KIAA1328: variants seen among roughly 807,000 people sequenced by gnomAD.
KIAA1328 encodes protein hinderin.
In KIAA1328, 52 loss-of-function variants were observed where a neutral mutation model predicts 68.1. The observed-to-expected ratio is 0.76, with a 90% CI of 0.61 to 0.96. KIAA1328 has a LOEUF of 0.96. Among genes scored for constraint, KIAA1328 ranks in the 40% least tolerant of loss-of-function variants. KIAA1328 has a pLI of 0.00. For synonymous variants in KIAA1328, 232 were observed against 239.4 expected, an observed-to-expected ratio of 0.97 and a Z score of 0.28; for missense variants, 641 against 677.6, an observed-to-expected ratio of 0.95 and a Z score of 0.60.
chr18:37,219,399 C>A (rs908970872), intron 9 of KIAA1328, among the ~76,000 whole-genome samples: 2 of 152,240 alleles, frequency 1.3e-5, no homozygotes, highest in Non-Finnish European at 2.9e-5. Flanking sequence ...GAAGTTCCTG[C>A]TGCCTTCTGT....
intron 5 of KIAA1328, among the ~76,000 whole-genome samples, chr18:36,918,131 C>T (rs1277677801): frequency 6.6e-6 from 1 of 152,062 alleles, no homozygotes; most frequent in Non-Finnish European, 1.5e-5. Context: ...TGTAGTAACA[C>T]ATCCTCTTTT....
At chr18:37,206,356 C>T (rs2060215247) in intron 9 of KIAA1328, among the ~76,000 whole-genome samples, 1 of 152,106 alleles carries the variant, frequency 6.6e-6, no homozygotes, top group Non-Finnish European at 1.5e-5. Flanking sequence ...ATGGTAGTAG[C>T]CCTATGGTAG....
intron 6 of KIAA1328, among the ~76,000 whole-genome samples, chr18:37,024,618 A>G (rs1177801298): frequency 6.6e-6 from 1 of 150,822 alleles, no homozygotes; most frequent in Admixed American, 6.6e-5. Flanking sequence ...ATGAGTGAGA[A>G]CATGCGGTGT....
chr18:36,916,681 C>T (rs753062962), intron 5 of KIAA1328, among the ~76,000 whole-genome samples: 8 of 152,154 alleles, frequency 5.3e-5, no homozygotes, highest in African/African-American at 9.7e-5. Flanking sequence ...TCATCTCCAT[C>T]GTACAGATAA....
chr18:37,071,057 CTTTTTTTTTTTTTTTTT>C (rs58722044), intron 7 of KIAA1328, among the ~76,000 whole-genome samples: 10 of 86,848 alleles, frequency 1.2e-4, no homozygotes, highest in African/African-American at 4.1e-4. Context: ...TTTTTTCTTC[CTTTTTTTTTTTTTTTTT>C]TTTTTTTTTT....
chr18:37,141,272 A>G (rs970448582), intron 7 of KIAA1328, among the ~76,000 whole-genome samples: 4 of 152,164 alleles, frequency 2.6e-5, no homozygotes, highest in Non-Finnish European at 5.9e-5. Context: ...TCCCTAGCCC[A>G]TGCAACCAAT....
intron 7 of KIAA1328, among the ~76,000 whole-genome samples, chr18:37,123,572 G>A (rs1272535289): frequency 6.6e-6 from 1 of 152,132 alleles, no homozygotes; most frequent in Non-Finnish European, 1.5e-5. Flanking sequence ...TCAAAGAACA[G>A]TAAGAATACA....
chr18:37,194,365 A>G (rs949028225), intron 9 of KIAA1328, among the ~76,000 whole-genome samples: 9 of 152,200 alleles, frequency 5.9e-5, no homozygotes, highest in Admixed American at 2.0e-4. Flanking sequence ...TCAGTCATTT[A>G]TATTTTCTGC....
At chr18:36,919,760 C>T (rs2049846829) in intron 5 of KIAA1328, among the ~76,000 whole-genome samples, 2 of 152,066 alleles carry the variant, frequency 1.3e-5, no homozygotes, top group Non-Finnish European at 2.9e-5. Context: ...TATTGATAGC[C>T]ATTCTGACTA....
chr18:36,954,064 G>T (rs1438521947), intron 5 of KIAA1328, among the ~76,000 whole-genome samples: 13 of 137,986 alleles, frequency 9.4e-5, no homozygotes, highest in African/African-American at 2.8e-4. Flanking sequence ...CTGCAGTGGC[G>T]CAATCTCGGC....
At chr18:37,166,776 G>T (rs2059397618) in intron 8 of KIAA1328, among the ~76,000 whole-genome samples, 1 of 152,008 alleles carries the variant, frequency 6.6e-6, no homozygotes, top group African/African-American at 2.4e-5. Context: ...TGAAAACACT[G>T]AAAATCAGAT....
intron 6 of KIAA1328, among the ~76,000 whole-genome samples, chr18:37,035,203 A>C (rs2054978553): frequency 6.6e-6 from 1 of 152,232 alleles, no homozygotes; most frequent in Non-Finnish European, 1.5e-5. Flanking sequence ...CTTACCTCCC[A>C]TAGCCAGGTG....
At chr18:36,878,562 C>T (rs1317014781) in intron 4 of KIAA1328, among the ~76,000 whole-genome samples, 2 of 152,152 alleles carry the variant, frequency 1.3e-5, no homozygotes, top group African/African-American at 4.8e-5. Context: ...GTTGGCCTGT[C>T]TTGCTAGGTT....
chr18:36,893,465 T>G (rs60197646), intron 5 of KIAA1328, among the ~76,000 whole-genome samples: 21,924 of 120,280 alleles, frequency 0.18, 2,216 homozygotes, highest in East Asian at 0.38. Flanking sequence ...GTGTGTGTTT[T>G]TGTGTGTGTG....
chr18:37,042,200 A>G (rs1240385299), intron 6 of KIAA1328, among the ~76,000 whole-genome samples: 1 of 152,146 alleles, frequency 6.6e-6, no homozygotes, highest in African/African-American at 2.4e-5. Flanking sequence ...ACCTAGCCAT[A>G]TATTTATGTT....
chr18:37,065,362 C>T lies in KIAA1328; in HGVS notation c.577-1528C>T, dbSNP rs906027408. On this transcript the variant is annotated intron_variant, in intron 6 of 9. Coordinates refer to ENST00000280020, the MANE Select transcript of KIAA1328 (RefSeq NM_020776.3). ...TTTCTTTCTCTTACCTTCTCTTTAG[C>T]TTTCACTAAAGACTGAATCTGTATA... is the stretch of plus-strand genomic sequence containing the variant. 2.0e-5 allele frequency among the ~76,000 whole-genome samples: 3 copies of T among 152,168 alleles called. No homozygotes were observed. The South Asian group carries it at 6.2e-4, about 32-fold the overall frequency.
intron 6 of KIAA1328, among the ~76,000 whole-genome samples, chr18:36,988,500 A>G (rs1160899665): frequency 6.6e-6 from 1 of 152,232 alleles, no homozygotes; most frequent in South Asian, 2.1e-4. Flanking sequence ...AGTTATTTAC[A>G]AACCATTTTG....
chr18:37,124,550 G>C (rs922489556), intron 7 of KIAA1328, among the ~76,000 whole-genome samples: 2 of 151,956 alleles, frequency 1.3e-5, no homozygotes, highest in Non-Finnish European at 2.9e-5. Flanking sequence ...TTTAAAATGT[G>C]CATCACGGTC....
chr18:36,956,116 GTTAAGATTTTAAGC>G (rs1408896044), intron 5 of KIAA1328, among the ~76,000 whole-genome samples: 1 of 152,112 alleles, frequency 6.6e-6, no homozygotes, highest in Non-Finnish European at 1.5e-5. Context: ...GCATTTTAGT[GTTAAGATTTTAAGC>G]TTTACTACAT....
Sources: gnomAD v4.1 joint callset for allele counts (sites outside exome capture counted in the v4.1 genomes callset) on GRCh38, gnomAD v4.1.1 for gene constraint, MANE v1.5 for transcripts, NCBI Gene and HGNC (gene_info 2026-07-23, HGNC 2026-07-21) for gene names.